The following C14orf132 variants were observed in gnomAD, a reference collection of about 807,000 sequenced individuals.
C14orf132 encodes uncharacterized protein C14orf132.
Under a neutral mutation model 5.8 loss-of-function variants are expected in C14orf132, and 6 were observed. That is an observed-to-expected ratio of 1.03 (90% CI 0.57 to 2.04). The LOEUF is 2.04. C14orf132 is among the 30% of genes most tolerant of loss of function. The pLI is 0.00. For synonymous variants in C14orf132, 51 were observed against 49.8 expected (o/e 1.02, Z -0.10); for missense variants, 125 against 115.8 (o/e 1.08, Z -0.37).
intron 1 of C14orf132, among the ~76,000 whole-genome samples, chr14:96,047,665 G>C (rs1418012675): frequency 1.3e-5 from 2 of 152,212 alleles, no homozygotes; most frequent in Admixed American, 6.5e-5. Context: ...CTGAGGCTTA[G>C]AGGGCACACA....
intron 1 of C14orf132, among the ~76,000 whole-genome samples, chr14:96,050,704 T>C (rs772326129): frequency 6.6e-6 from 1 of 152,068 alleles, no homozygotes; most frequent in Non-Finnish European, 1.5e-5. Context: ...CTGAGTTTAC[T>C]GCTCCATGGC....
rs1887650444 is a variant in C14orf132 at position 96,069,801 on chromosome 14, G to C, written c.28-16710G>C. The stretch of plus-strand genomic sequence containing the variant: ...GGACCTCAACATGTATTATTTTGGA[G>C]AGGATGGCTTTCTACTTTGAGATCC... On this transcript the variant is annotated intron_variant, in intron 1 of 1. Transcript: ENST00000555004. 2.0e-5 allele frequency among the ~76,000 whole-genome samples: 3 copies of C among 152,226 alleles called. No homozygotes were observed. In the South Asian group the frequency reaches 6.2e-4, roughly 31 times the overall value.
intron 1 of C14orf132, among the ~76,000 whole-genome samples, chr14:96,046,466 A>G (rs1470827738): frequency 1.3e-5 from 2 of 152,248 alleles, no homozygotes. Flanking sequence ...CCATGGCTTT[A>G]TTAGGCTGAA....
intron 1 of C14orf132, among the ~76,000 whole-genome samples, chr14:96,040,118 C>T (rs111574815): frequency 0.018 from 2,678 of 151,514 alleles, 34 homozygotes; most frequent in Non-Finnish European, 0.028. Flanking sequence ...GTGCCCAGCG[C>T]GGCCAGAACC....
At chr14:96,085,123 A>G (rs1012156804) in intron 1 of C14orf132, among the ~76,000 whole-genome samples, 4 of 152,196 alleles carry the variant, frequency 2.6e-5, no homozygotes, top group African/African-American at 9.7e-5. Context: ...ACCTCTGCTT[A>G]TCCACCTGTA....
intron 1 of C14orf132, among the ~76,000 whole-genome samples, chr14:96,041,006 T>C (rs1235399936): frequency 6.6e-6 from 1 of 152,218 alleles, no homozygotes; most frequent in African/African-American, 2.4e-5. Context: ...GTTGCTGCCA[T>C]GGCAACTTGA....
chr14:96,057,250 CCTT>C (rs1887212117), intron 1 of C14orf132, among the ~76,000 whole-genome samples: 1 of 152,178 alleles, frequency 6.6e-6, no homozygotes, highest in Non-Finnish European at 1.5e-5. Flanking sequence ...TGAATGCACT[CCTT>C]CTGTCCCTTG....
chr14:96,068,313 C>A (rs1887594554), intron 1 of C14orf132, among the ~76,000 whole-genome samples: 1 of 152,172 alleles, frequency 6.6e-6, no homozygotes, highest in South Asian at 2.1e-4. Context: ...CAGGGCTGGG[C>A]AAGTTAATGA....
intron 1 of C14orf132, among the ~76,000 whole-genome samples, chr14:96,073,156 T>G (rs1887760733): frequency 6.6e-6 from 1 of 152,088 alleles, no homozygotes; most frequent in South Asian, 2.1e-4. Context: ...TCAGGTTTTT[T>G]TTTTAAGTTT....
At chr14:96,074,773 T>A (rs1165007051) in intron 1 of C14orf132, among the ~76,000 whole-genome samples, 12 of 137,312 alleles carry the variant, frequency 8.7e-5, no homozygotes. Flanking sequence ...CTATTTAATG[T>A]ATGCATCCAT....
rs1438025803 is a variant in C14orf132 at position 96,087,463 on chromosome 14, C to A, written c.*728C>A. 1 of 152,014 alleles carries A rather than the reference C, an allele frequency of 6.6e-6. No individual in the cohort carries two copies. Among genetic ancestry groups the A allele is most frequent in the Admixed American group, 6.5e-5 (1 of 15,272 alleles). The allele number at this position is 152,014 out of a possible 1,614,324, so 9.4% of individuals were successfully genotyped here. A position where few individuals can be genotyped will look rare whatever the true frequency, so the allele number is the denominator to read the frequency against. On this transcript the variant is annotated 3_prime_UTR_variant, in exon 2 of 2. Transcript: ENST00000555004. ...GCCAGGCAGTGGACTCTTCAGGCCA[C>A]CCACGTGAGAATGCTGTTTCTTCTC...
chr14:96,040,606 AC>A (rs1156531733), intron 1 of C14orf132, among the ~76,000 whole-genome samples: 6 of 152,082 alleles, frequency 3.9e-5, no homozygotes, highest in Admixed American at 1.3e-4. Flanking sequence ...CAAAATCCAG[AC>A]TGTGTGTGGA....
intron 1 of C14orf132, among the ~76,000 whole-genome samples, chr14:96,070,457 A>T (rs1887670677): frequency 6.6e-6 from 1 of 152,096 alleles, no homozygotes; most frequent in African/African-American, 2.4e-5. Context: ...TGGCAGATAA[A>T]ACTGGAGCCA....
Position 96,049,343 on chromosome 14 carries a change from A to AT in C14orf132, c.27+9819dup, listed in dbSNP as rs199678821. ...AGTGTTGAAGCTTTTATTTTATTTT[A>AT]TTTATTTATTTTTTTGAGACAGAGT... On this transcript the variant is annotated intron_variant, in intron 1 of 1. Coordinates refer to ENST00000555004, the MANE Select transcript of C14orf132 (RefSeq NM_001252507.3). Among the ~76,000 whole-genome samples, 1,063 of 148,056 alleles carry AT rather than the reference A, an allele frequency of 7.2e-3. 67 individuals are homozygous for AT. In the East Asian group the frequency reaches 0.16, roughly 22 times the overall value.
rs941834355 is a variant in C14orf132, at chr14:96,090,459, C to G, written c.*3724C>G. ...TGCTTTGTGAGGTTGTGAGTGGCCA[C>G]CACTGAAGGTCTTTGAGAAGAGGCC... On this transcript the variant is annotated 3_prime_UTR_variant, in exon 2 of 2. Coordinates refer to ENST00000555004, the MANE Select transcript of C14orf132 (RefSeq NM_001252507.3). 7 of 353,084 alleles carry G rather than the reference C, an allele frequency of 2.0e-5. No homozygotes were observed. Among genetic ancestry groups the G allele is most frequent in the Admixed American group, 3.7e-5 (1 of 26,682 alleles). The allele number at this position is 353,084 out of a possible 1,614,324, so 21.9% of individuals were successfully genotyped here.
intron 1 of C14orf132, among the ~76,000 whole-genome samples, chr14:96,066,398 G>A (rs561278363): frequency 3.3e-5 from 5 of 152,196 alleles, no homozygotes; most frequent in Middle Eastern, 3.4e-3. Flanking sequence ...TTTCAGAAGC[G>A]GTGAATTTGC....
intron 1 of C14orf132, among the ~76,000 whole-genome samples, chr14:96,067,736 TC>T (rs1433726940): frequency 1.3e-5 from 2 of 151,102 alleles, no homozygotes; most frequent in African/African-American, 4.9e-5. Context: ...TCAGTGTAGG[TC>T]CCAGTGTCAT....
At chr14:96,062,190 C>T (rs1887379338) in intron 1 of C14orf132, among the ~76,000 whole-genome samples, 1 of 152,132 alleles carries the variant, frequency 6.6e-6, no homozygotes, top group South Asian at 2.1e-4. Flanking sequence ...GATCGAGTCC[C>T]TGCCATGTGC....
At chr14:96,041,487 A>G (rs1030571988) in intron 1 of C14orf132, among the ~76,000 whole-genome samples, 2 of 152,230 alleles carry the variant, frequency 1.3e-5, no homozygotes, top group African/African-American at 4.8e-5. Context: ...CTATTTCAGA[A>G]TGATTTCTCT....
Sources: gnomAD v4.1 joint callset for allele counts (sites outside exome capture counted in the v4.1 genomes callset) on GRCh38, gnomAD v4.1.1 for gene constraint, MANE v1.5 for transcripts, NCBI Gene and HGNC (gene_info 2026-07-23, HGNC 2026-07-21) for gene names.